Variants in ITFG1 observed in about 807,000 individuals in gnomAD.
The protein encoded by ITFG1 is T-cell immunomodulatory protein.
ITFG1 carries 34 observed loss-of-function variants against 81.8 expected under a neutral mutation model. The ratio of observed to expected loss-of-function variants is 0.42; its 90% CI spans 0.32 to 0.55. ITFG1 has a LOEUF of 0.55. Ranked by LOEUF, ITFG1 falls within the 20% of genes least tolerant of loss-of-function variation. ITFG1 has a pLI of 0.17. For synonymous variants in ITFG1, 285 were observed against 270.6 expected (o/e 1.05, Z -0.52); for missense variants, 672 against 755.4 (o/e 0.89, Z 1.29).
chr16:47,266,454 G>A (rs997402313), intron 10 of ITFG1, among the ~76,000 whole-genome samples: 13 of 152,190 alleles, frequency 8.5e-5, no homozygotes, highest in African/African-American at 3.1e-4. Flanking sequence ...CTGACTTCAA[G>A]TGATCTGCCC....
chr16:47,341,150 T>C (rs1189056846), intron 8 of ITFG1, among the ~76,000 whole-genome samples: 1 of 151,786 alleles, frequency 6.6e-6, no homozygotes, highest in African/African-American at 2.4e-5. Flanking sequence ...CATGGTAGCT[T>C]AGGCCTATAA....
chr16:47,161,524 A>T (rs888390378), intron 16 of ITFG1: 4 of 361,620 alleles, frequency 1.1e-5, no homozygotes, highest in Non-Finnish European at 2.0e-5. Context: ...ATCCCTAATT[A>T]GTTAACCTCC....
intron 5 of ITFG1, among the ~76,000 whole-genome samples, chr16:47,434,424 C>T (rs1473833902): frequency 4.0e-5 from 6 of 151,092 alleles, no homozygotes; most frequent in Non-Finnish European, 5.9e-5. Context: ...GATGACATTC[C>T]TGTGGCCAAA....
chr16:47,334,923 T>C (rs1206626637), intron 8 of ITFG1, among the ~76,000 whole-genome samples: 1 of 152,274 alleles, frequency 6.6e-6, no homozygotes, highest in African/African-American at 2.4e-5. Context: ...AGAAAGCTTA[T>C]AGAAGAAAAC....
At chr16:47,229,284 A>C (rs1017830452) in intron 13 of ITFG1, among the ~76,000 whole-genome samples, 1 of 152,192 alleles carries the variant, frequency 6.6e-6, no homozygotes, top group African/African-American at 2.4e-5. Flanking sequence ...ATATTGTCTG[A>C]GTGCCAACCT....
chr16:47,409,484 C>T (rs1446358601), intron 6 of ITFG1, among the ~76,000 whole-genome samples: 4 of 127,024 alleles, frequency 3.1e-5, no homozygotes, highest in East Asian at 5.2e-4. Context: ...GGCACGATCT[C>T]GGCTCACTGC....
At position 47,184,959 on chromosome 16, in the gene ITFG1, A is replaced by C. The variant is rs1321832677; in HGVS notation, c.1454-22295T>G. On this transcript the variant is annotated intron_variant, in intron 14 of 17. Transcript: ENST00000320640. ...ATCTACCAAGCAAATGGAAAACAAA[A>C]AAAGGCAGGGGTTGCAATCCTAGTC... is the stretch of plus-strand genomic sequence containing the variant. 2.6e-5 allele frequency among the ~76,000 whole-genome samples: 4 copies of C among 151,716 alleles called. No homozygotes were observed. The East Asian group carries it at 7.7e-4, about 29-fold the overall frequency.
chr16:47,407,462 G>A (rs899079678), intron 6 of ITFG1, among the ~76,000 whole-genome samples: 24 of 151,982 alleles, frequency 1.6e-4, no homozygotes, highest in Non-Finnish European at 2.4e-4. Context: ...AGTGATTCTC[G>A]TGCCTCAGCT....
intron 14 of ITFG1, among the ~76,000 whole-genome samples, chr16:47,214,716 G>C (rs1418366068): frequency 6.6e-6 from 1 of 152,132 alleles, no homozygotes. Flanking sequence ...TGGCTATTCA[G>C]GCTTTGCTAG....
chr16:47,442,384 C>A, intron 5 of ITFG1, among the ~76,000 whole-genome samples: 1 of 151,928 alleles, frequency 6.6e-6, no homozygotes, highest in East Asian at 1.9e-4. Context: ...TCATATGGAA[C>A]CAAAAAAGAG....
At chr16:47,395,005 T>C (rs1968577117) in intron 6 of ITFG1, among the ~76,000 whole-genome samples, 1 of 152,016 alleles carries the variant, frequency 6.6e-6, no homozygotes, top group South Asian at 2.1e-4. Flanking sequence ...ATATGAAGAG[T>C]CCATTATGAT....
At chr16:47,382,476 A>G (rs993247717) in intron 6 of ITFG1, among the ~76,000 whole-genome samples, 3 of 152,208 alleles carry the variant, frequency 2.0e-5, no homozygotes, top group East Asian at 1.9e-4. Context: ...AAGATTCACC[A>G]TACTTAGCAG....
At chr16:47,175,839 G>A (rs1302841637) in intron 14 of ITFG1, among the ~76,000 whole-genome samples, 1 of 152,158 alleles carries the variant, frequency 6.6e-6, no homozygotes, top group Admixed American at 6.5e-5. Context: ...GATCACCACA[G>A]CCTAGAACTC....
chr16:47,337,580 A>C (rs1469350680), intron 8 of ITFG1, among the ~76,000 whole-genome samples: 5 of 152,196 alleles, frequency 3.3e-5, no homozygotes, highest in African/African-American at 1.2e-4. Flanking sequence ...ATAAAATAAA[A>C]ATAAAAAAAG....
intron 12 of ITFG1, among the ~76,000 whole-genome samples, chr16:47,243,718 T>G (rs1048261774): frequency 7.2e-5 from 11 of 152,122 alleles, no homozygotes; most frequent in African/African-American, 2.4e-4. Context: ...CCAAGATGCA[T>G]GCAAATATGT....
At chr16:47,275,125 G>T (rs193188954) in intron 10 of ITFG1, among the ~76,000 whole-genome samples, 31 of 151,876 alleles carry the variant, frequency 2.0e-4, no homozygotes, top group Admixed American at 9.8e-4. Flanking sequence ...CCTCTGCTTG[G>T]GTTCATGTTC....
chr16:47,446,522 G>A (rs1252640264), intron 5 of ITFG1, among the ~76,000 whole-genome samples: 1 of 152,158 alleles, frequency 6.6e-6, no homozygotes, highest in Non-Finnish European at 1.5e-5. Flanking sequence ...AGACAGCACT[G>A]ACTACTAATA....
At chr16:47,163,954 T>TAC (rs796283043) in intron 14 of ITFG1, among the ~76,000 whole-genome samples, 1,114 of 96,750 alleles carry the variant, frequency 0.012, 15 homozygotes, top group African/African-American at 0.058. Context: ...CACACACACA[T>TAC]ACACACACAC....
intron 8 of ITFG1, among the ~76,000 whole-genome samples, chr16:47,314,319 A>C (rs1011762512): frequency 6.6e-6 from 1 of 152,202 alleles, no homozygotes; most frequent in Non-Finnish European, 1.5e-5. Context: ...GAAGAGAAAA[A>C]TAAGCATATC....
Sources: allele counts gnomAD v4.1 joint callset (sites outside exome capture counted in the v4.1 genomes callset), GRCh38; gene constraint gnomAD v4.1.1; transcripts MANE v1.5; gene names NCBI Gene and HGNC (gene_info 2026-07-23, HGNC 2026-07-21).